The following SPON1 variants were observed in gnomAD, a reference collection of about 807,000 sequenced individuals.
SPON1 encodes spondin 1, also known as spondin-1.
A neutral mutation model predicts 111.7 loss-of-function variants in SPON1; 52 were observed. The observed-to-expected ratio is 0.47, with a 90% CI of 0.37 to 0.59. The LOEUF (loss-of-function observed/expected upper bound fraction) is 0.59. Among genes scored for constraint, SPON1 ranks in the 20% least tolerant of loss-of-function variants. The pLI, the probability that SPON1 is intolerant of heterozygous loss-of-function variation, is 0.00. For missense variants in SPON1, 957 were observed against 1,068.5 expected, an observed-to-expected ratio of 0.90 and a Z score of 1.46; for synonymous variants, 410 against 395.8, an observed-to-expected ratio of 1.04 and a Z score of -0.43.
intron 2 of SPON1, among the ~76,000 whole-genome samples, chr11:14,029,124 TAC>T (rs35525978): frequency 0.5 from 74,150 of 149,792 alleles, 18,462 homozygotes; most frequent in South Asian, 0.57. Flanking sequence ...CAGTGACCCC[TAC>T]ACACACACAC....
chr11:14,224,576 T>G (rs1848716610), intron 6 of SPON1, among the ~76,000 whole-genome samples: 1 of 152,172 alleles, frequency 6.6e-6, no homozygotes, highest in Non-Finnish European at 1.5e-5. Context: ...AAGCTGCAGT[T>G]TCCTCAGCAG....
intron 6 of SPON1, among the ~76,000 whole-genome samples, chr11:14,156,394 G>A (rs1300886124): frequency 7.4e-6 from 1 of 135,402 alleles, no homozygotes; most frequent in Non-Finnish European, 1.6e-5. Context: ...CTGGATATTA[G>A]CCCTTTGTCA....
At chr11:14,042,824 T>C (rs1453774231) in intron 3 of SPON1, among the ~76,000 whole-genome samples, 1 of 152,184 alleles carries the variant, frequency 6.6e-6, no homozygotes, top group Non-Finnish European at 1.5e-5. Flanking sequence ...TGTGCTTGGC[T>C]TATGGAAAAA....
intron 6 of SPON1, among the ~76,000 whole-genome samples, chr11:14,142,517 T>C (rs7950607): frequency 0.017 from 2,582 of 152,308 alleles, 73 homozygotes; most frequent in African/African-American, 0.059. Flanking sequence ...AGCCTTCAAA[T>C]ATAGAAAGAG....
In SPON1 at chr11:14,010,038, T is replaced by C. The variant is rs76495009; in HGVS notation, c.345+27085T>C. Among the ~76,000 whole-genome samples, 795 of 152,330 alleles carry C rather than the reference T, an allele frequency of 5.2e-3. 9 individuals carry two copies. The highest frequency in any genetic ancestry group is 0.018 in the African/African-American group (734 of 41,582). ...ACTATATTCCCAGTGCTTAGCATAC[T>C]GTCTGACACACAGAGATGCTCAATA... On this transcript the variant is annotated intron_variant, in intron 2 of 15. Transcript: ENST00000576479.
At chr11:14,166,928 C>A (rs1318683301) in intron 6 of SPON1, among the ~76,000 whole-genome samples, 2 of 151,888 alleles carry the variant, frequency 1.3e-5, no homozygotes, top group African/African-American at 2.4e-5. Context: ...TAAAGAGGAC[C>A]GAAACAAGAC....
At chr11:14,108,488 G>A (rs1356134743) in intron 5 of SPON1, among the ~76,000 whole-genome samples, 1 of 152,126 alleles carries the variant, frequency 6.6e-6, no homozygotes, top group Non-Finnish European at 1.5e-5. Context: ...CAAGTGGAGA[G>A]AGGGCCAAGT....
chr11:14,262,981 G>A lies in SPON1; in HGVS notation c.2260+6G>A, dbSNP rs1849206703. 3.7e-6 allele frequency: 6 copies of A among 1,611,614 alleles called. No individual in the cohort carries two copies. The highest frequency in any genetic ancestry group is 5.1e-6 in the Non-Finnish European group (6 of 1,179,190). On this transcript the variant is annotated splice_donor_region_variant and intron_variant, in intron 15 of 15. Transcript: ENST00000576479. The stretch of plus-strand genomic sequence containing the variant: ...TGAAGGGGAGCAGTTCCCAGGTATG[G>A]CTCCCAAGTGTCAGCCTGGGTGGTC...
intron 6 of SPON1, among the ~76,000 whole-genome samples, chr11:14,208,498 A>G (rs148947765): frequency 3.3e-5 from 5 of 152,286 alleles, no homozygotes; most frequent in African/African-American, 1.2e-4. Flanking sequence ...TGTTACCCAG[A>G]TGAATCTTTT....
At position 13,962,889 on chromosome 11, in the gene SPON1, G is replaced by A. The variant is rs183120722; in HGVS notation, c.-16G>A. The A allele has an allele frequency of 2.5e-5, 37 of 1,492,098 alleles. No homozygotes were observed. The highest frequency in any genetic ancestry group is 2.9e-5 in the Non-Finnish European group (33 of 1,126,146). The allele number at this position is 1,492,098 out of a possible 1,614,324, so 92.4% of individuals were successfully genotyped here. A position where few individuals can be genotyped will look rare whatever the true frequency, so the allele number is the denominator to read the frequency against. ...CGAAGGCCTGCGGCCGCGGCACAAA[G>A]TTGGGGGCCGCGAAGATGAGGCTGT... is the stretch of plus-strand genomic sequence containing the variant. On this transcript the variant is annotated 5_prime_UTR_variant, in exon 1 of 16. Transcript: ENST00000576479.
intron 8 of SPON1, among the ~76,000 whole-genome samples, chr11:14,255,385 G>A (rs11023163): frequency 0.79 from 119,658 of 152,188 alleles, 47,293 homozygotes; most frequent in East Asian, 0.92. Context: ...TGGCTCAGCC[G>A]TTTCCTAGCT....
rs564124532 is a variant in SPON1 at position 14,033,690 on chromosome 11, C to A, written c.346-7831C>A. Among the ~76,000 whole-genome samples, 3 of 152,310 alleles carry A rather than the reference C, an allele frequency of 2.0e-5. No homozygotes were observed. In the East Asian group the frequency reaches 5.8e-4, roughly 29 times the overall value. On this transcript the variant is annotated intron_variant, in intron 2 of 15. Coordinates refer to ENST00000576479, the MANE Select transcript of SPON1 (RefSeq NM_006108.4). Reference sequence around the variant, plus strand: ...GTTTTAGAAGCCTAGAAAAATCATTCTATTAGCTTAAAATGCCCCTGATAT... The same window carrying A: ...GTTTTAGAAGCCTAGAAAAATCATTATATTAGCTTAAAATGCCCCTGATAT...
chr11:13,967,831 A>G (rs1554908178), intron 1 of SPON1, among the ~76,000 whole-genome samples: 1 of 152,208 alleles, frequency 6.6e-6, no homozygotes, highest in African/African-American at 2.4e-5. Context: ...TTAAGTATTT[A>G]GTTCAAACTG....
chr11:14,150,244 C>G (rs1847771049), intron 6 of SPON1, among the ~76,000 whole-genome samples: 1 of 152,022 alleles, frequency 6.6e-6, no homozygotes, highest in African/African-American at 2.4e-5. Flanking sequence ...ATCACATGCT[C>G]TCACTCATAT....
intron 1 of SPON1, among the ~76,000 whole-genome samples, chr11:13,966,314 A>T (rs1848015829): frequency 6.6e-6 from 1 of 152,188 alleles, no homozygotes; most frequent in African/African-American, 2.4e-5. Flanking sequence ...AAAAATAACA[A>T]GTTGAGGATC....
At chr11:13,989,447 T>C (rs539492375) in intron 2 of SPON1, among the ~76,000 whole-genome samples, 1 of 152,346 alleles carries the variant, frequency 6.6e-6, no homozygotes, top group East Asian at 1.9e-4. Flanking sequence ...TTTTCTTTAT[T>C]AGTCTGGCTA....
intron 6 of SPON1, among the ~76,000 whole-genome samples, chr11:14,213,119 C>CA (rs1308235869): frequency 6.6e-6 from 1 of 152,190 alleles, no homozygotes; most frequent in African/African-American, 2.4e-5. Flanking sequence ...GAGATGCTGA[C>CA]AAACACCATG....
intron 6 of SPON1, among the ~76,000 whole-genome samples, chr11:14,176,884 G>A (rs568656084): frequency 4.3e-4 from 66 of 152,270 alleles, no homozygotes; most frequent in African/African-American, 1.5e-3. Context: ...CGAGGGGTTC[G>A]CCTTGCCCGC....
intron 6 of SPON1, among the ~76,000 whole-genome samples, chr11:14,159,706 A>G (rs1490094299): frequency 6.6e-6 from 1 of 152,156 alleles, no homozygotes; most frequent in Non-Finnish European, 1.5e-5. Context: ...TTCAGCCATA[A>G]GAAGAATGAG....
Sources: allele counts gnomAD v4.1 joint callset (sites outside exome capture counted in the v4.1 genomes callset), GRCh38; gene constraint gnomAD v4.1.1; transcripts MANE v1.5; gene names NCBI Gene and HGNC (gene_info 2026-07-23, HGNC 2026-07-21).